SPRY4: variants seen among roughly 807,000 people sequenced by gnomAD.
The protein encoded by SPRY4 is sprouty RTK signaling antagonist 4, also known as protein sprouty homolog 4.
SPRY4 carries 7 observed loss-of-function variants against 17.0 expected under a neutral mutation model. That is an observed-to-expected ratio of 0.41 (90% CI 0.23 to 0.77). The LOEUF is 0.77. Among genes scored for constraint, SPRY4 ranks in the 30% least tolerant of loss-of-function variants. The pLI is 0.32. For missense variants in SPRY4, 435 were observed against 419.9 expected, an observed-to-expected ratio of 1.04 and a Z score of -0.31; for synonymous variants, 183 against 174.1, an observed-to-expected ratio of 1.05 and a Z score of -0.40.
chr5:142,317,431 A>G lies in SPRY4; in HGVS notation c.-47-2276T>C, dbSNP rs78060273. ...CCAGCCAGAACCCTCACCCCCGGACAATGATAACATGAGTCCCTTGTTCCA... is the reference window on the plus strand; with the variant it reads ...CCAGCCAGAACCCTCACCCCCGGACGATGATAACATGAGTCCCTTGTTCCA... On this transcript the variant is annotated intron_variant, in intron 1 of 1. Coordinates refer to ENST00000434127, the MANE Select transcript of SPRY4 (RefSeq NM_001127496.3). The G allele has an allele frequency of 8.5e-4, 834 of 985,308 alleles. 5 individuals carry two copies. The South Asian group carries it at 0.019, about 22-fold the overall frequency. 61.0% of individuals were successfully genotyped at this position (985,308 alleles called of 1,614,324 possible). A position where few individuals can be genotyped will look rare whatever the true frequency, so the allele number is the denominator to read the frequency against.
At chr5:142,319,653 A>C in intron 1 of SPRY4, 5 of 1,516,708 alleles carry the variant, frequency 3.3e-6, no homozygotes, top group Non-Finnish European at 4.5e-6. Context: ...GCAGGATATC[A>C]AAATCCCCAG....
intron 1 of SPRY4, among the ~76,000 whole-genome samples, chr5:142,322,461 ACTCGT>A (rs1308577866): frequency 1.4e-5 from 2 of 138,810 alleles, no homozygotes; most frequent in Non-Finnish European, 3.1e-5. Flanking sequence ...ACAGAGCAAG[ACTCGT>A]CTCAAGAAAA....
chr5:142,317,975 T>C, intron 1 of SPRY4: 6 of 985,288 alleles, frequency 6.1e-6, no homozygotes, highest in Non-Finnish European at 7.2e-6. Context: ...TCTTCCCTAT[T>C]ATAACCCCGA....
chr5:142,324,657 G>A (rs752663972), intron 1 of SPRY4, among the ~76,000 whole-genome samples, 187 bp downstream of exon 1: 2 of 152,198 alleles, frequency 1.3e-5, no homozygotes, highest in African/African-American at 2.4e-5. Flanking sequence ...CCCCGGCGCC[G>A]TGCCGGCCGG....
intron 1 of SPRY4, among the ~76,000 whole-genome samples, chr5:142,316,842 T>C (rs746860008): frequency 5.9e-5 from 9 of 152,252 alleles, no homozygotes; most frequent in Non-Finnish European, 1.3e-4. Flanking sequence ...CGAGGTTCAA[T>C]GCTCAGTCAA....
intron 1 of SPRY4, among the ~76,000 whole-genome samples, chr5:142,316,647 A>G (rs948843215): frequency 8.5e-5 from 13 of 152,212 alleles, no homozygotes; most frequent in African/African-American, 2.4e-4. Flanking sequence ...TCAAGATGCT[A>G]ACGATGTTCT....
chr5:142,317,092 G>A (rs1596868391), intron 1 of SPRY4: 1 of 985,492 alleles, frequency 1.0e-6, no homozygotes, highest in South Asian at 4.7e-5. Context: ...CCACCAAAGA[G>A]TAGCCACTTG....
intron 1 of SPRY4, chr5:142,316,951 T>C: frequency 1.0e-6 from 1 of 978,458 alleles, no homozygotes; most frequent in Non-Finnish European, 1.2e-6. Flanking sequence ...CGCCTTGTTT[T>C]TCCTGTCTTG....
intron 1 of SPRY4, among the ~76,000 whole-genome samples, chr5:142,323,308 C>CT (rs1220172381): frequency 6.6e-6 from 1 of 152,244 alleles, no homozygotes; most frequent in African/African-American, 2.4e-5. Flanking sequence ...TCCCGCCCCT[C>CT]TGCAAGTTCT....
rs1759214928 is a variant in SPRY4, at chr5:142,317,983, C to T, written c.-47-2828G>A. The T allele has an allele frequency of 5.1e-6, 5 of 985,190 alleles. No individual in the cohort carries two copies. The South Asian group carries it at 1.4e-4, about 28-fold the overall frequency. 61.0% of individuals were successfully genotyped at this position (985,190 alleles called of 1,614,324 possible). On this transcript the variant is annotated intron_variant, in intron 1 of 1. Coordinates refer to ENST00000434127, the MANE Select transcript of SPRY4 (RefSeq NM_001127496.3). The stretch of plus-strand genomic sequence containing the variant: ...AAATGTATCTTCCCTATTATAACCC[C>T]GATGTAGTAGGATTCCTTTCAACCA...
At chr5:142,320,439 ACCGATTC>A (rs1363145858) in intron 1 of SPRY4, among the ~76,000 whole-genome samples, 1 of 151,716 alleles carries the variant, frequency 6.6e-6, no homozygotes, top group Admixed American at 6.6e-5. Context: ...CCACCACATT[ACCGATTC>A]CCAACCCTCT....
At chr5:142,317,015 C>G (rs1759175695) in intron 1 of SPRY4, 1 of 985,346 alleles carries the variant, frequency 1.0e-6, no homozygotes, top group Non-Finnish European at 1.2e-6. Flanking sequence ...CGGATGAAAC[C>G]ATAGCATCAC....
In SPRY4 at chr5:142,324,976, A is replaced by G. The variant is rs531381297; in HGVS notation, c.-180T>C. ...AAGGCTCCCTGCGCTCCACAGCGCC[A>G]GCTCCGCGCTGTCAGCTCAGCTCGC... On this transcript the variant is annotated 5_prime_UTR_variant, in exon 1 of 2. Coordinates refer to ENST00000434127, the MANE Select transcript of SPRY4 (RefSeq NM_001127496.3). 1.4e-4 allele frequency: 22 copies of G among 152,812 alleles called. 2 individuals are homozygous for G. In the South Asian group the frequency reaches 1.7e-3, roughly 12 times the overall value. The allele number at this position is 152,812 out of a possible 1,614,324, so 9.5% of individuals were successfully genotyped here. A position where few individuals can be genotyped will look rare whatever the true frequency, so the allele number is the denominator to read the frequency against.
intron 1 of SPRY4, among the ~76,000 whole-genome samples, chr5:142,319,542 A>C (rs1384106744): frequency 2.0e-5 from 3 of 152,152 alleles, no homozygotes; most frequent in Non-Finnish European, 4.4e-5. Context: ...ATCAAGTTGA[A>C]CTTAAGGGTC....
rs1262579331 is a variant in SPRY4, at chr5:142,314,451, C to A, written c.658G>T (p.Ala220Ser). 1 of 1,614,078 alleles carries A rather than the reference C, an allele frequency of 6.2e-7. No homozygotes were observed. Residue 220 changes from alanine (A) to serine (S), a missense_variant, in exon 2 of 2, where the codon GCT (alanine) becomes TCT (serine). Physicochemically the swap from Ala to Ser is moderately conservative, Grantham distance 99. Transcript: ENST00000434127. The surrounding 1 kb of genome is among the most constrained non-coding windows in gnomAD (Gnocchi z 4.8). The part of the protein sequence containing the change: ...CTNEDDEGSC[A>S]DHPCSCSRSN... ...CGGGAGCAGGAGCAGGGGTGGTCAG[C>A]GCAGGAGCCCTCATCGTCCTCATTC...
rs1025476042 is a variant in SPRY4, at chr5:142,313,969, G to C, written c.*240C>G. 1.8e-6 allele frequency: 1 copy of C among 547,068 alleles called. No individual in the cohort carries two copies. Among genetic ancestry groups the C allele is most frequent in the Non-Finnish European group, 3.2e-6 (1 of 308,892 alleles). The allele number at this position is 547,068 out of a possible 1,614,324, so 33.9% of individuals were successfully genotyped here. On this transcript the variant is annotated 3_prime_UTR_variant, in exon 2 of 2. Coordinates refer to ENST00000434127, the MANE Select transcript of SPRY4 (RefSeq NM_001127496.3). The stretch of plus-strand genomic sequence containing the variant: ...CCAAACCACACCCTGCCCCTGCATT[G>C]TCTGTTTGACACAAAGTTTCAGGAC...
Position 142,314,904 on chromosome 5 carries a change from C to T in SPRY4, c.205G>A (p.Gly69Ser). Residue 69 changes from glycine to serine, a missense_variant, in exon 2 of 2, where the codon GGC becomes AGC. By Grantham distance (56) the Gly-to-Ser change is moderately conservative. Transcript: ENST00000434127. This position sits in a 1 kb window ranked among gnomAD's most constrained non-coding sequence, Gnocchi z 4.8. Reference sequence around the variant, plus strand: ...GTCGGGGCCAGCTCTGGGGCCCCGCCCCGGGTCCGCTTTGGGCCGGTGGTC... The same window carrying T: ...GTCGGGGCCAGCTCTGGGGCCCCGCTCCGGGTCCGCTTTGGGCCGGTGGTC... Reference protein sequence around the residue: ...ALTTGPKRTRGGAPELAPTPA... With the variant: ...ALTTGPKRTRSGAPELAPTPA... The T allele has an allele frequency of 6.2e-7, 1 of 1,608,430 alleles. No homozygotes were observed. The highest frequency in any genetic ancestry group is 8.5e-7 in the Non-Finnish European group (1 of 1,175,778).
At chr5:142,320,978 T>C (rs1759327202) in intron 1 of SPRY4, among the ~76,000 whole-genome samples, 2 of 152,214 alleles carry the variant, frequency 1.3e-5, no homozygotes, top group African/African-American at 2.4e-5. Context: ...CTCCCTCCCC[T>C]GTGCCCTTGC....
In SPRY4 at chr5:142,314,882, G is replaced by C; in HGVS notation, c.227C>G (p.Pro76Arg). Residue 76 changes from proline to arginine, a missense_variant, in exon 2 of 2, where the codon CCG becomes CGG. Coordinates refer to ENST00000434127, the MANE Select transcript of SPRY4 (RefSeq NM_001127496.3). This position sits in a 1 kb window ranked among gnomAD's most constrained non-coding sequence, Gnocchi z 4.8. ...ATCCTGGTCACAGCGGGCGGGCGTC[G>C]GGGCCAGCTCTGGGGCCCCGCCCCG... Reference protein sequence around the residue: ...RTRGGAPELAPTPARCDQDVT... With the variant: ...RTRGGAPELARTPARCDQDVT... 3.1e-6 allele frequency: 5 copies of C among 1,600,238 alleles called. No homozygotes were observed. The highest frequency in any genetic ancestry group is 4.3e-6 in the Non-Finnish European group (5 of 1,171,118).
Sources: allele counts gnomAD v4.1 joint callset (sites outside exome capture counted in the v4.1 genomes callset), GRCh38; gene constraint gnomAD v4.1.1; non-coding constraint Gnocchi (gnomAD v3.1); transcripts MANE v1.5; gene names NCBI Gene and HGNC (gene_info 2026-07-23, HGNC 2026-07-21).